Variants in ZC3H12B observed in about 807,000 individuals in gnomAD.
ZC3H12B encodes probable ribonuclease ZC3H12B.
Under a neutral mutation model 43.9 loss-of-function variants are expected in ZC3H12B, and 7 were observed. That is an observed-to-expected ratio of 0.16 (90% CI 0.09 to 0.30). The LOEUF (loss-of-function observed/expected upper bound fraction) is 0.30. ZC3H12B is among the 10% of genes least tolerant of loss of function. The probability of loss-of-function intolerance (pLI) is 1.00; values close to 1 mark genes in which losing one functional copy is unlikely to be tolerated. For synonymous variants in ZC3H12B, 222 were observed against 241.7 expected (o/e 0.92, Z 0.76); for missense variants, 475 against 670.2 (o/e 0.71, Z 3.22).
chrX:65,154,130 A>G, the ZC3H12B span, among the ~76,000 whole-genome samples: 1 of 111,708 alleles, frequency 9.0e-6, no homozygotes, highest in African/African-American at 3.3e-5. Flanking sequence ...ACCTAATGTT[A>G]AATGACGAGT....
the ZC3H12B span, among the ~76,000 whole-genome samples, chrX:65,051,918 G>A: frequency 4.5e-5 from 5 of 110,472 alleles, no homozygotes; most frequent in Non-Finnish European, 9.5e-5. Flanking sequence ...GGACCAGGTG[G>A]CATCTCTTGG....
intron 3 of ZC3H12B, among the ~76,000 whole-genome samples, chrX:65,415,070 T>C (rs1389143478): frequency 8.9e-6 from 1 of 112,363 alleles, no homozygotes; most frequent in African/African-American, 3.2e-5. Flanking sequence ...ATTGGTTTGC[T>C]CCAGAAAGGT....
chrX:65,263,077 T>C, the ZC3H12B span, among the ~76,000 whole-genome samples: 1 of 111,336 alleles, frequency 9.0e-6, no homozygotes, highest in Non-Finnish European at 1.9e-5. Context: ...AAGCTTTTTT[T>C]CTCTCACCTT....
upstream of ZC3H12B, among the ~76,000 whole-genome samples, chrX:65,362,880 C>A (rs1249807180): frequency 9.0e-6 from 1 of 111,428 alleles, no homozygotes. Flanking sequence ...CCTATCCACC[C>A]CGTGGTGCCA....
At chrX:65,293,661 A>C in the ZC3H12B span, among the ~76,000 whole-genome samples, 6 of 111,131 alleles carry the variant, frequency 5.4e-5, no homozygotes, top group African/African-American at 2.0e-4. Context: ...ATAAATAAAA[A>C]ATCACAAATT....
the ZC3H12B span, among the ~76,000 whole-genome samples, chrX:65,113,867 G>T: frequency 2.8e-5 from 3 of 105,579 alleles, no homozygotes; most frequent in African/African-American, 1.0e-4. Context: ...CTGAAGTATA[G>T]TATAAAAATA....
the ZC3H12B span, among the ~76,000 whole-genome samples, chrX:65,177,182 T>C: frequency 7.1e-5 from 8 of 112,284 alleles, no homozygotes; most frequent in Admixed American, 3.8e-4. Context: ...AAAAACTTCA[T>C]GAGTATCTCA....
chrX:65,152,419 G>A, the ZC3H12B span, among the ~76,000 whole-genome samples: 3 of 111,404 alleles, frequency 2.7e-5, no homozygotes, highest in African/African-American at 9.8e-5. Context: ...AAAATCACAA[G>A]CATTCTTATA....
At chrX:65,457,864 G>A (rs1211648598) in intron 3 of ZC3H12B, among the ~76,000 whole-genome samples, 90 of 63,491 alleles carry the variant, frequency 1.4e-3, no homozygotes, top group Non-Finnish European at 2.2e-3. Context: ...ATGCTTGAAG[G>A]CAGCATGCTC....
the ZC3H12B span, among the ~76,000 whole-genome samples, chrX:65,204,230 A>T: frequency 8.9e-6 from 1 of 112,008 alleles, no homozygotes; most frequent in Admixed American, 9.5e-5. Context: ...GTTCTCATGA[A>T]GTTGCTTTTC....
At chrX:65,432,933 T>C (rs2067180685) in intron 3 of ZC3H12B, among the ~76,000 whole-genome samples, 1 of 112,109 alleles carries the variant, frequency 8.9e-6, no homozygotes, top group Non-Finnish European at 1.9e-5. Flanking sequence ...AAGACAGAAA[T>C]CAAGATCCCT....
the ZC3H12B span, among the ~76,000 whole-genome samples, chrX:65,143,126 A>G: frequency 2.5e-3 from 280 of 111,496 alleles, 1 homozygote; most frequent in South Asian, 0.013. Flanking sequence ...AATTCTACCT[A>G]TCTATGAGCA....
At chrX:65,160,849 T>G in the ZC3H12B span, among the ~76,000 whole-genome samples, 1 of 111,425 alleles carries the variant, frequency 9.0e-6, no homozygotes, top group African/African-American at 3.3e-5. Context: ...TTAATTGTGA[T>G]GTTAAAGTGT....
the ZC3H12B span, among the ~76,000 whole-genome samples, chrX:65,219,431 A>T: frequency 9.0e-6 from 1 of 111,646 alleles, no homozygotes; most frequent in Non-Finnish European, 1.9e-5. Context: ...AATGGGGAAA[A>T]GTCCAGTGAA....
the ZC3H12B span, among the ~76,000 whole-genome samples, chrX:65,279,330 G>C: frequency 3.0e-5 from 3 of 99,467 alleles, no homozygotes; most frequent in African/African-American, 1.2e-4. Flanking sequence ...TTTAACAATA[G>C]CCATTCTGAG....
the ZC3H12B span, among the ~76,000 whole-genome samples, chrX:65,234,264 G>T: frequency 8.9e-6 from 1 of 111,840 alleles, no homozygotes; most frequent in Non-Finnish European, 1.9e-5. Context: ...AAAACATATG[G>T]TCATTCCAAT....
At chrX:65,217,339 G>A in the ZC3H12B span, among the ~76,000 whole-genome samples, 142 of 111,369 alleles carry the variant, frequency 1.3e-3, 1 homozygote, top group Non-Finnish European at 2.0e-3. Context: ...CAAGAAGTAC[G>A]GCTACAAAGA....
the ZC3H12B span, chrX:65,357,261 T>C: frequency 2.8e-6 from 1 of 360,190 alleles, no homozygotes; most frequent in African/African-American, 2.6e-5. Flanking sequence ...CTCAATAGGA[T>C]GGTAGGATGA....
chrX:65,061,450 A>G, the ZC3H12B span, among the ~76,000 whole-genome samples: 1 of 112,229 alleles, frequency 8.9e-6, no homozygotes. Context: ...GTTTGCTGAG[A>G]ATGATGGTTT....
Sources: gnomAD v4.1 joint callset for allele counts (sites outside exome capture counted in the v4.1 genomes callset) on GRCh38, gnomAD v4.1.1 for gene constraint, MANE v1.5 for transcripts, NCBI Gene and HGNC (gene_info 2026-07-23, HGNC 2026-07-21) for gene names.